The following AP3S2 variants were observed in gnomAD, a reference collection of about 807,000 sequenced individuals.
AP3S2 encodes adaptor related protein complex 3 subunit sigma 2.
AP3S2 carries 22 observed loss-of-function variants against 23.4 expected under a neutral mutation model. That is an observed-to-expected ratio of 0.94 (90% confidence interval 0.67 to 1.34). The LOEUF (loss-of-function observed/expected upper bound fraction) is 1.34, where lower values mean the gene tolerates loss of function less well. Among genes scored for constraint, AP3S2 ranks in the 40% most tolerant of loss-of-function variants. AP3S2 has a pLI of 0.00. For missense variants in AP3S2, 241 were observed against 236.9 expected (o/e 1.02, Z -0.11); for synonymous variants, 86 against 87.1 (o/e 0.99, Z 0.07).
At position 89,833,644 on chromosome 15, in the gene AP3S2, A is replaced by G. The variant is rs528469418; in HGVS notation, c.*1871T>C. 6.6e-6 allele frequency: 1 copy of G among 152,374 alleles called. No individual in the cohort carries two copies. Among genetic ancestry groups the G allele is most frequent in the East Asian group, 1.9e-4 (1 of 5,186 alleles). 9.4% of individuals were successfully genotyped at this position (152,374 alleles called of 1,614,324 possible). ...AATGTACTGAAATGTCTGCCAGAAA[A>G]AAGAAAATCCAACCCCTCAAAAGAA... On this transcript the variant is annotated 3_prime_UTR_variant, in exon 6 of 6. Transcript: ENST00000336418.
In AP3S2 at chr15:89,874,291, A is replaced by G. The variant is rs76957926; in HGVS notation, c.274-2745T>C. On this transcript the variant is annotated intron_variant, in intron 3 of 5. Transcript: ENST00000336418. ...TGTTACAAGAATAAAAGGCTGATTG[A>G]AAGCTCTACAATCATGGATATTTCT... is the stretch of plus-strand genomic sequence containing the variant. 7.0e-3 allele frequency among the ~76,000 whole-genome samples: 1,072 copies of G among 152,266 alleles called. 10 individuals are homozygous for G. The highest frequency in any genetic ancestry group is 0.025 in the African/African-American group (1,019 of 41,552).
chr15:89,867,119 C>T (rs1896148950), intron 4 of AP3S2, among the ~76,000 whole-genome samples: 1 of 150,090 alleles, frequency 6.7e-6, no homozygotes, highest in Admixed American at 6.6e-5. Flanking sequence ...CTGCAACCTC[C>T]CTGCCTGATT....
At chr15:89,886,506 A>C (rs1012225673) in intron 3 of AP3S2, 36 of 152,150 alleles carry the variant, frequency 2.4e-4, no homozygotes, top group African/African-American at 8.4e-4. Flanking sequence ...ATGCTTCACC[A>C]ATTTGCATGT....
At chr15:89,875,917 C>G (rs1020123163) in intron 3 of AP3S2, among the ~76,000 whole-genome samples, 4 of 152,112 alleles carry the variant, frequency 2.6e-5, no homozygotes, top group African/African-American at 9.7e-5. Flanking sequence ...TGCACTCCAG[C>G]CTGGGCAACA....
At chr15:89,857,603 A>G (rs1183291434) in intron 4 of AP3S2, among the ~76,000 whole-genome samples, 2 of 152,216 alleles carry the variant, frequency 1.3e-5, no homozygotes, top group Non-Finnish European at 2.9e-5. Flanking sequence ...AATCAGAGAA[A>G]CTGAAAAGCT....
At position 89,834,524 on chromosome 15, in the gene AP3S2, C is replaced by T. The variant is rs1434108970; in HGVS notation, c.*991G>A. 6.6e-6 allele frequency: 1 copy of T among 152,224 alleles called. No individual in the cohort carries two copies. The highest frequency in any genetic ancestry group is 1.5e-5 in the Non-Finnish European group (1 of 68,074). The allele number at this position is 152,224 out of a possible 1,614,324, so 9.4% of individuals were successfully genotyped here. On this transcript the variant is annotated 3_prime_UTR_variant, in exon 6 of 6. Coordinates refer to ENST00000336418, the MANE Select transcript of AP3S2 (RefSeq NM_005829.5). ...TTGGATTGTGTCCTGCACATAACAC[C>T]TGTGAGAATACAACTGGGACTAGGA...
chr15:89,875,694 G>A (rs564434585), intron 3 of AP3S2, among the ~76,000 whole-genome samples: 4 of 152,220 alleles, frequency 2.6e-5, no homozygotes, highest in Admixed American at 1.3e-4. Flanking sequence ...CACGTCTGTA[G>A]TCTCAGTACT....
At chr15:89,874,458 G>A (rs1385531117) in intron 3 of AP3S2, among the ~76,000 whole-genome samples, 1 of 152,116 alleles carries the variant, frequency 6.6e-6, no homozygotes, top group Non-Finnish European at 1.5e-5. Flanking sequence ...AAAATTCATT[G>A]TAAAGCTTTG....
intron 4 of AP3S2, among the ~76,000 whole-genome samples, chr15:89,852,032 G>A (rs901336346): frequency 3.9e-5 from 6 of 152,122 alleles, no homozygotes; most frequent in Admixed American, 2.6e-4. Flanking sequence ...CAAAGCAGGC[G>A]GGAATACTAC....
intron 3 of AP3S2, among the ~76,000 whole-genome samples, chr15:89,872,546 C>T (rs142740756): frequency 2.2e-4 from 33 of 151,264 alleles, no homozygotes; most frequent in Non-Finnish European, 3.9e-4. Flanking sequence ...TTCTCTCAGA[C>T]AATGACCTCA....
intron 4 of AP3S2, among the ~76,000 whole-genome samples, chr15:89,860,626 A>C (rs1359109392): frequency 3.1e-4 from 47 of 152,342 alleles, no homozygotes; most frequent in Non-Finnish European, 7.3e-5. Context: ...ACAGAAAGTG[A>C]AACTGCAGAT....
At position 89,888,646 on chromosome 15, in the gene AP3S2, G is replaced by A; in HGVS notation, c.162-14C>T. 6.2e-7 allele frequency: 1 copy of A among 1,611,382 alleles called. No individual in the cohort carries two copies. Among genetic ancestry groups the A allele is most frequent in the Non-Finnish European group, 8.5e-7 (1 of 1,177,862 alleles). On this transcript the variant is annotated splice_polypyrimidine_tract_variant and intron_variant, in intron 2 of 5. Coordinates refer to ENST00000336418, the MANE Select transcript of AP3S2 (RefSeq NM_005829.5). The stretch of plus-strand genomic sequence containing the variant: ...CCACCAATCAAACTGCAGAAGATGG[G>A]AAACATTTAAATGCCCACAGCTTAA...
intron 4 of AP3S2, chr15:89,837,933 G>T (rs139262407): frequency 3.8e-5 from 19 of 506,404 alleles, no homozygotes; most frequent in African/African-American, 3.5e-4. Flanking sequence ...CCTCAGCAGC[G>T]AGGTGGTAGC....
At chr15:89,869,334 G>T (rs1358103099) in intron 4 of AP3S2, among the ~76,000 whole-genome samples, 1 of 148,118 alleles carries the variant, frequency 6.8e-6, no homozygotes, top group Non-Finnish European at 1.5e-5. Context: ...ATTAAGGGCG[G>T]TGCAAGATGT....
chr15:89,835,318 G>A lies in AP3S2; in HGVS notation c.*197C>T, dbSNP rs1895161612. Reference sequence around the variant, plus strand: ...CAGAGAACGGCATGACTGCACATGTGAGAACTGGGTGCACCCGAGCAGTGT... The same window carrying A: ...CAGAGAACGGCATGACTGCACATGTAAGAACTGGGTGCACCCGAGCAGTGT... On this transcript the variant is annotated 3_prime_UTR_variant, in exon 6 of 6. Transcript: ENST00000336418. 8 of 888,668 alleles carry A rather than the reference G, an allele frequency of 9.0e-6. No individual in the cohort carries two copies. In the South Asian group the frequency reaches 1.1e-4, roughly 12 times the overall value. The allele number at this position is 888,668 out of a possible 1,614,324, so 55.0% of individuals were successfully genotyped here.
At chr15:89,840,883 A>G (rs2351706) in intron 4 of AP3S2, among the ~76,000 whole-genome samples, 110,538 of 152,138 alleles carry the variant, frequency 0.73, 40,283 homozygotes, top group East Asian at 0.8. Flanking sequence ...ATCCCAAACT[A>G]TGTCTTCCAC....
intron 3 of AP3S2, among the ~76,000 whole-genome samples, chr15:89,879,041 C>CAGCCAGGCTA (rs1254647732): frequency 6.6e-6 from 1 of 152,248 alleles, no homozygotes; most frequent in Non-Finnish European, 1.5e-5. Context: ...CCGCCGCACC[C>CAGCCAGGCTA]AGCCAGGCTA....
At chr15:89,868,910 C>G (rs1896239359) in intron 4 of AP3S2, among the ~76,000 whole-genome samples, 1 of 144,614 alleles carries the variant, frequency 6.9e-6, no homozygotes, top group African/African-American at 2.6e-5. Flanking sequence ...GTGAGGAGCC[C>G]CTCTGCCCGG....
At chr15:89,871,651 T>A in intron 3 of AP3S2, 105 bp from the exon 4 acceptor site, 1 of 1,178,330 alleles carries the variant, frequency 8.5e-7, no homozygotes. Flanking sequence ...TACTATTTAC[T>A]TTATGATAAA....
Sources: allele counts gnomAD v4.1 joint callset (sites outside exome capture counted in the v4.1 genomes callset), GRCh38; gene constraint gnomAD v4.1.1; transcripts MANE v1.5; gene names NCBI Gene and HGNC (gene_info 2026-07-23, HGNC 2026-07-21).